CDH18: variants seen among roughly 807,000 people sequenced by gnomAD.
The protein encoded by CDH18 is cadherin 18, also known as cadherin-18.
CDH18 carries 31 observed loss-of-function variants against 67.9 expected under a neutral mutation model. The observed-to-expected ratio is 0.46, with a 90% CI of 0.34 to 0.62. The LOEUF (loss-of-function observed/expected upper bound fraction) is 0.62. Among genes scored for constraint, CDH18 ranks in the 20% least tolerant of loss-of-function variants. CDH18 has a pLI of 0.01. For synonymous variants in CDH18, 362 were observed against 347.2 expected (o/e 1.04, Z -0.48); for missense variants, 890 against 975.5 (o/e 0.91, Z 1.17).
chr5:19,603,802 C>G (rs1747570377), intron 6 of CDH18, among the ~76,000 whole-genome samples: 1 of 148,426 alleles, frequency 6.7e-6, no homozygotes, highest in Admixed American at 6.8e-5. Context: ...TTTATAGTAT[C>G]AATAAAATAT....
At chr5:19,609,503 T>C (rs987749037) in intron 6 of CDH18, among the ~76,000 whole-genome samples, 2 of 151,916 alleles carry the variant, frequency 1.3e-5, no homozygotes, top group Admixed American at 6.6e-5. Context: ...CTCTCTAGAG[T>C]AGAGACATTG....
intron 1 of CDH18, among the ~76,000 whole-genome samples, chr5:20,401,965 G>A (rs1471542171): frequency 6.6e-6 from 1 of 151,938 alleles, no homozygotes; most frequent in Non-Finnish European, 1.5e-5. Flanking sequence ...GATCTTCTAA[G>A]CCTTCTTATC....
chr5:20,574,584 T>C (rs1238287220), intron 1 of CDH18, among the ~76,000 whole-genome samples: 1 of 152,100 alleles, frequency 6.6e-6, no homozygotes, highest in Non-Finnish European at 1.5e-5. Flanking sequence ...TAGCAGTTAA[T>C]ATCTGTGACC....
intron 5 of CDH18, among the ~76,000 whole-genome samples, chr5:19,690,030 AT>A (rs1313471749): frequency 1.3e-5 from 2 of 151,386 alleles, no homozygotes; most frequent in Non-Finnish European, 3.0e-5. Flanking sequence ...TCATTATAAA[AT>A]TATGAAGGGA....
In CDH18 at chr5:19,913,810, C is replaced by G. The variant is rs562346730; in HGVS notation, c.-257+67250G>C. On this transcript the variant is annotated intron_variant, in intron 2 of 12. Transcript: ENST00000382275. ...CCTTAATACATGATAATTACGCCAC[C>G]ATTGAGAACTCTTCTGTTCCTCAAT... Among the ~76,000 whole-genome samples the G allele has an allele frequency of 2.0e-5, 3 of 152,050 alleles. No homozygotes were observed. The East Asian group carries it at 5.8e-4, about 29-fold the overall frequency.
At chr5:20,332,808 A>G (rs752466902) in intron 1 of CDH18, among the ~76,000 whole-genome samples, 1 of 152,124 alleles carries the variant, frequency 6.6e-6, no homozygotes, top group Non-Finnish European at 1.5e-5. Context: ...GGTGGCTGAA[A>G]AGTCTTCTGA....
chr5:19,912,132 T>C (rs1427481767), intron 2 of CDH18, among the ~76,000 whole-genome samples: 1 of 150,766 alleles, frequency 6.6e-6, no homozygotes, highest in Non-Finnish European at 1.5e-5. Context: ...GAAGAGAGCA[T>C]AGAGGAAGAA....
At chr5:19,923,893 C>T (rs1792785198) in intron 2 of CDH18, among the ~76,000 whole-genome samples, 1 of 152,184 alleles carries the variant, frequency 6.6e-6, no homozygotes, top group African/African-American at 2.4e-5. Context: ...TTGTTCACCT[C>T]TTGTGGAAAA....
intron 1 of CDH18, among the ~76,000 whole-genome samples, chr5:20,456,334 A>G (rs1330507764): frequency 6.6e-6 from 1 of 152,078 alleles, no homozygotes; most frequent in African/African-American, 2.4e-5. Context: ...TATTTAGTGG[A>G]ATTAACTTTC....
At chr5:19,802,075 A>G (rs1447667469) in intron 3 of CDH18, among the ~76,000 whole-genome samples, 1 of 152,244 alleles carries the variant, frequency 6.6e-6, no homozygotes, top group Non-Finnish European at 1.5e-5. Flanking sequence ...GCATAAACTC[A>G]TAACATAAAT....
intron 8 of CDH18, among the ~76,000 whole-genome samples, chr5:19,559,345 A>G (rs145596681): frequency 6.6e-6 from 1 of 152,204 alleles, no homozygotes; most frequent in East Asian, 1.9e-4. Context: ...TAGGTTTCAT[A>G]GCAGGGATGC....
At chr5:19,548,980 C>A (rs768341175) in intron 8 of CDH18, among the ~76,000 whole-genome samples, 1 of 152,074 alleles carries the variant, frequency 6.6e-6, no homozygotes, top group Non-Finnish European at 1.5e-5. Context: ...TAACTCCTGC[C>A]CTCAGGTGAT....
chr5:20,244,522 C>T, intron 2 of CDH18, among the ~76,000 whole-genome samples: 1 of 151,930 alleles, frequency 6.6e-6, no homozygotes, highest in East Asian at 1.9e-4. Flanking sequence ...TTGAACAAAC[C>T]CTCCTCTTCC....
intron 1 of CDH18, among the ~76,000 whole-genome samples, chr5:20,390,223 T>G (rs571581683): frequency 4.6e-5 from 7 of 152,094 alleles, no homozygotes; most frequent in African/African-American, 1.7e-4. Context: ...GGGAGAAAAT[T>G]TTTGCAATCT....
At chr5:20,038,559 T>C (rs1407830593) in intron 2 of CDH18, among the ~76,000 whole-genome samples, 2 of 152,204 alleles carry the variant, frequency 1.3e-5, no homozygotes, top group Non-Finnish European at 2.9e-5. Context: ...TCAACAAATG[T>C]AATCCATCAC....
intron 5 of CDH18, among the ~76,000 whole-genome samples, chr5:19,640,232 G>A (rs1753810863): frequency 6.6e-6 from 1 of 151,992 alleles, no homozygotes; most frequent in South Asian, 2.1e-4. Context: ...ACTGTAATAG[G>A]GGTCCATAAT....
At chr5:19,495,739 A>AG (rs1484661588) in intron 11 of CDH18, among the ~76,000 whole-genome samples, 21 of 142,028 alleles carry the variant, frequency 1.5e-4, no homozygotes, top group African/African-American at 4.4e-4. Context: ...AAAAAAAAAA[A>AG]AAAGAAAGAA....
At chr5:20,176,444 T>G (rs1418744725) in intron 2 of CDH18, among the ~76,000 whole-genome samples, 5 of 152,320 alleles carry the variant, frequency 3.3e-5, no homozygotes, top group African/African-American at 1.2e-4. Flanking sequence ...ACGACTTGCT[T>G]CTAATGACTG....
chr5:19,922,196 T>C (rs115235645), intron 2 of CDH18, among the ~76,000 whole-genome samples: 1,981 of 152,310 alleles, frequency 0.013, 50 homozygotes, highest in African/African-American at 0.045. Flanking sequence ...ATCCCTCTAA[T>C]ATAAAATAAA....
Sources: gnomAD v4.1 joint callset for allele counts (sites outside exome capture counted in the v4.1 genomes callset) on GRCh38, gnomAD v4.1.1 for gene constraint, MANE v1.5 for transcripts, NCBI Gene and HGNC (gene_info 2026-07-23, HGNC 2026-07-21) for gene names.